Variants in IQCM observed in about 807,000 individuals in gnomAD.
IQCM encodes the protein IQ motif containing M.
In IQCM, 45 loss-of-function variants were observed where a neutral mutation model predicts 57.6. The observed-to-expected ratio is 0.78, with a 90% CI of 0.62 to 1.00. IQCM has a LOEUF of 1.00. Ranked by LOEUF, IQCM falls within the 50% of genes least tolerant of loss-of-function variation. The probability of loss-of-function intolerance (pLI) is 0.00; values close to 1 mark genes in which losing one functional copy is unlikely to be tolerated. For missense variants in IQCM, 468 were observed against 511.6 expected (o/e 0.91, Z 0.82); for synonymous variants, 148 against 158.9 (o/e 0.93, Z 0.51).
intron 5 of IQCM, among the ~76,000 whole-genome samples, chr4:149,688,870 A>C (rs1762742162): frequency 6.6e-6 from 1 of 152,118 alleles, no homozygotes; most frequent in Admixed American, 6.6e-5. Context: ...CCTTTTCAAC[A>C]AATGGTGCTG....
chr4:149,803,359 T>C (rs1464457268), intron 2 of IQCM, among the ~76,000 whole-genome samples: 4 of 152,046 alleles, frequency 2.6e-5, no homozygotes, highest in African/African-American at 2.4e-5. Flanking sequence ...CCACAGTTCT[T>C]ACTCTGCTCC....
chr4:149,504,302 C>G (rs184376810), intron 12 of IQCM, among the ~76,000 whole-genome samples: 1 of 152,160 alleles, frequency 6.6e-6, no homozygotes, highest in African/African-American at 2.4e-5. Flanking sequence ...AAAATTACTG[C>G]GCAAAATGAA....
At chr4:149,791,013 A>G (rs1171181821) in intron 2 of IQCM, among the ~76,000 whole-genome samples, 1 of 151,722 alleles carries the variant, frequency 6.6e-6, no homozygotes, top group African/African-American at 2.4e-5. Flanking sequence ...TCTTATACTC[A>G]TATGTTGAGA....
At chr4:149,569,420 T>C (rs1466658912) in intron 9 of IQCM, among the ~76,000 whole-genome samples, 1 of 152,144 alleles carries the variant, frequency 6.6e-6, no homozygotes, top group African/African-American at 2.4e-5. Context: ...TTCAAGGTGA[T>C]CAATGACTAA....
At chr4:149,782,034 T>C (rs1387821677) in intron 2 of IQCM, among the ~76,000 whole-genome samples, 4 of 151,980 alleles carry the variant, frequency 2.6e-5, no homozygotes, top group Non-Finnish European at 2.9e-5. Context: ...GTGTCTCAAA[T>C]AAGACAATAA....
chr4:149,408,894 T>C lies in IQCM; in HGVS notation c.1390+24502A>G, dbSNP rs528896663. Among the ~76,000 whole-genome samples, 14 of 152,288 alleles carry C rather than the reference T, an allele frequency of 9.2e-5. No homozygotes were observed. The South Asian group carries it at 2.9e-3, about 32-fold the overall frequency. On this transcript the variant is annotated intron_variant, in intron 13 of 13. Transcript: ENST00000636793. Reference sequence around the variant, plus strand: ...AGGCAGGGAGGTCTAGACGTGTTTTTTTATGTCATTCAAGAAAAACCCCAC... The same window carrying C: ...AGGCAGGGAGGTCTAGACGTGTTTTCTTATGTCATTCAAGAAAAACCCCAC...
chr4:149,419,873 CA>C (rs1734005258), intron 13 of IQCM, among the ~76,000 whole-genome samples: 1 of 151,932 alleles, frequency 6.6e-6, no homozygotes, highest in South Asian at 2.1e-4. Flanking sequence ...TTGACATGGC[CA>C]ACAAACATAT....
At chr4:149,657,816 C>G (rs1171976983) in intron 7 of IQCM, among the ~76,000 whole-genome samples, 1 of 151,696 alleles carries the variant, frequency 6.6e-6, no homozygotes, top group East Asian at 1.9e-4. Flanking sequence ...TTGAGAAATG[C>G]CTATTAAGGT....
intron 8 of IQCM, among the ~76,000 whole-genome samples, chr4:149,596,159 G>C (rs1476914343): frequency 1.3e-5 from 2 of 152,126 alleles, no homozygotes; most frequent in Non-Finnish European, 2.9e-5. Context: ...AATGGATAGG[G>C]AGCTTTGCAT....
At chr4:149,797,264 G>C (rs1437285584) in intron 2 of IQCM, among the ~76,000 whole-genome samples, 4 of 152,088 alleles carry the variant, frequency 2.6e-5, no homozygotes, top group Non-Finnish European at 5.9e-5. Context: ...AGCTGAAAAA[G>C]GCATTTGGCA....
intron 13 of IQCM, among the ~76,000 whole-genome samples, chr4:149,385,839 T>G (rs535384414): frequency 6.6e-6 from 1 of 152,112 alleles, no homozygotes; most frequent in Admixed American, 6.6e-5. Flanking sequence ...ATCAACCACA[T>G]TTACTATTAC....
intron 2 of IQCM, among the ~76,000 whole-genome samples, chr4:149,759,987 G>A (rs59871494): frequency 0.24 from 35,958 of 150,660 alleles, 6,446 homozygotes; most frequent in African/African-American, 0.5. Flanking sequence ...TTAACAAAAT[G>A]TATAAACCTC....
chr4:149,488,547 G>A (rs755242651), intron 12 of IQCM, among the ~76,000 whole-genome samples: 3 of 151,984 alleles, frequency 2.0e-5, no homozygotes, highest in African/African-American at 4.8e-5. Context: ...CAGATAGATC[G>A]CTGTCATAAC....
At chr4:149,709,093 G>A (rs1242623452) in intron 5 of IQCM, among the ~76,000 whole-genome samples, 2 of 152,160 alleles carry the variant, frequency 1.3e-5, no homozygotes, top group African/African-American at 4.8e-5. Flanking sequence ...TTGTTTCATA[G>A]CAGTTTATTA....
intron 7 of IQCM, among the ~76,000 whole-genome samples, chr4:149,626,390 A>AAAATATATATATATATATATATAT (rs1561076093): frequency 1.5e-5 from 1 of 65,510 alleles, no homozygotes; most frequent in African/African-American, 5.1e-5. Flanking sequence ...ATACTTAATA[A>AAAATATATATATATATATATATAT]ACATATATAT....
At chr4:149,756,532 T>C (rs576316887) in intron 2 of IQCM, among the ~76,000 whole-genome samples, 2 of 151,930 alleles carry the variant, frequency 1.3e-5, no homozygotes, top group East Asian at 3.9e-4. Flanking sequence ...AAAAATAAGC[T>C]TCACAGGAAG....
At chr4:149,680,133 C>T (rs1762073048) in intron 7 of IQCM, among the ~76,000 whole-genome samples, 1 of 151,046 alleles carries the variant, frequency 6.6e-6, no homozygotes, top group South Asian at 2.1e-4. Flanking sequence ...AGTGAAAATC[C>T]CTATTCTTAT....
At chr4:149,691,977 A>G (rs540676468) in intron 5 of IQCM, among the ~76,000 whole-genome samples, 6 of 152,342 alleles carry the variant, frequency 3.9e-5, no homozygotes, top group African/African-American at 1.4e-4. Flanking sequence ...TGCACAGGAA[A>G]GATATGGAAG....
intron 13 of IQCM, chr4:149,429,820 T>C (rs1483073493): frequency 2.6e-6 from 1 of 390,370 alleles, no homozygotes; most frequent in South Asian, 1.4e-4. Context: ...TTAATAACCA[T>C]GTAATTCAAA....
Sources: allele counts gnomAD v4.1 joint callset (sites outside exome capture counted in the v4.1 genomes callset), GRCh38; gene constraint gnomAD v4.1.1; transcripts MANE v1.5; gene names NCBI Gene and HGNC (gene_info 2026-07-23, HGNC 2026-07-21).